PHACTR3: variants seen among roughly 807,000 people sequenced by gnomAD.
The protein encoded by PHACTR3 is protein phosphatase 1, regulatory subunit 123.
A neutral mutation model predicts 66.8 loss-of-function variants in PHACTR3; 16 were observed. The observed-to-expected ratio is 0.24, with a 90% CI of 0.16 to 0.36. The LOEUF (loss-of-function observed/expected upper bound fraction) is 0.36, where lower values mean the gene tolerates loss of function less well. Ranked by LOEUF, PHACTR3 falls within the 10% of genes least tolerant of loss-of-function variation. PHACTR3 has a pLI of 1.00. For missense variants in PHACTR3, 647 were observed against 719.9 expected, an observed-to-expected ratio of 0.90 and a Z score of 1.16; for synonymous variants, 323 against 292.1, an observed-to-expected ratio of 1.11 and a Z score of -1.08.
intron 1 of PHACTR3, among the ~76,000 whole-genome samples, chr20:59,700,424 A>G (rs1459341433): frequency 6.6e-6 from 1 of 152,206 alleles, no homozygotes; most frequent in Non-Finnish European, 1.5e-5. Flanking sequence ...ACCAAATTAT[A>G]TGTGCATTTT....
chr20:59,649,521 TTGG>T (rs2035391446), intron 1 of PHACTR3, among the ~76,000 whole-genome samples: 2 of 152,218 alleles, frequency 1.3e-5, no homozygotes, highest in African/African-American at 4.8e-5. Context: ...TAAAGGACGG[TTGG>T]AATTTTATTG....
At chr20:59,836,467 A>G (rs777282651) in intron 8 of PHACTR3, 38 bp from the exon 9 acceptor site, 20 of 1,596,272 alleles carry the variant, frequency 1.3e-5, no homozygotes, top group Non-Finnish European at 1.7e-5. Context: ...GCAGGCAGCC[A>G]CTATGGTGCA....
chr20:59,681,948 T>G (rs1268964703), intron 1 of PHACTR3, among the ~76,000 whole-genome samples: 1 of 149,994 alleles, frequency 6.7e-6, no homozygotes, highest in African/African-American at 2.5e-5. Context: ...GGGTGGAGGT[T>G]GCGGTGAGCA....
upstream of PHACTR3, chr20:59,603,360 G>A (rs1488386367): frequency 6.6e-6 from 1 of 152,236 alleles, no homozygotes; most frequent in Non-Finnish European, 1.5e-5. Context: ...GAATGAATGA[G>A]TCCTTTCTTT....
chr20:59,678,366 G>A (rs1302422733), intron 1 of PHACTR3, among the ~76,000 whole-genome samples: 1 of 152,142 alleles, frequency 6.6e-6, no homozygotes, highest in African/African-American at 2.4e-5. Flanking sequence ...AGAGCAGCCT[G>A]CTCACTCCTG....
At chr20:59,753,765 G>GGT (rs2039682778) in intron 3 of PHACTR3, among the ~76,000 whole-genome samples, 1 of 152,250 alleles carries the variant, frequency 6.6e-6, no homozygotes, top group Admixed American at 6.5e-5. Context: ...ACCGTTTGCA[G>GGT]GTGGTGGGAC....
chr20:59,705,892 C>T lies in PHACTR3; in HGVS notation c.119-37215C>T, dbSNP rs117612766. Among the ~76,000 whole-genome samples the T allele has an allele frequency of 4.3e-3, 658 of 152,162 alleles. 13 individuals are homozygous for T. The East Asian group carries it at 0.046, about 11-fold the overall frequency. ...CTTGGCCTTTGAGCCTGAGGAGGGA[C>T]GAGGATCTACCCTGGGTGTCCAGTT... is the stretch of plus-strand genomic sequence containing the variant. On this transcript the variant is annotated intron_variant, in intron 1 of 12. Coordinates refer to ENST00000371015, the MANE Select transcript of PHACTR3 (RefSeq NM_080672.5).
intron 1 of PHACTR3, among the ~76,000 whole-genome samples, chr20:59,634,910 G>A (rs936823679): frequency 2.6e-5 from 4 of 152,096 alleles, no homozygotes; most frequent in African/African-American, 4.8e-5. Flanking sequence ...GCCACCTGTG[G>A]CTAATGGCAA....
intron 1 of PHACTR3, among the ~76,000 whole-genome samples, chr20:59,726,311 C>A (rs969172601): frequency 3.3e-5 from 5 of 152,120 alleles, no homozygotes; most frequent in African/African-American, 1.2e-4. Flanking sequence ...TAAGGGCTGG[C>A]CTGGTGTGTG....
chr20:59,742,116 T>C (rs1283316226), intron 1 of PHACTR3, among the ~76,000 whole-genome samples: 2 of 152,212 alleles, frequency 1.3e-5, no homozygotes. Context: ...CACACACCAG[T>C]GTGTGCCTGT....
chr20:59,606,054 GA>G (rs2033658137), intron 1 of PHACTR3, among the ~76,000 whole-genome samples: 1 of 152,210 alleles, frequency 6.6e-6, no homozygotes, highest in African/African-American at 2.4e-5. Context: ...GTATCTTAGA[GA>G]AGCACAATTC....
Position 59,806,180 on chromosome 20 carries a change from G to A in PHACTR3, c.1314G>A (p.Glu438=). ...EERQEIRQQI[E]MKLSKRLSQR... ...GACAGGAGATCCGGCAGCAGATCGA[G>A]ATGAAGCTTTCCAAGTAAGTGGCAG... Residue 438 remains glutamate, a synonymous_variant, in exon 8 of 13, where the codon GAG becomes GAA. Coordinates refer to ENST00000371015, the MANE Select transcript of PHACTR3 (RefSeq NM_080672.5). 1 of 1,614,114 alleles carries A rather than the reference G, an allele frequency of 6.2e-7. No individual in the cohort carries two copies. Among genetic ancestry groups the A allele is most frequent in the Non-Finnish European group, 8.5e-7 (1 of 1,179,982 alleles).
chr20:59,745,505 G>A (rs919971127), intron 2 of PHACTR3, among the ~76,000 whole-genome samples: 4 of 152,234 alleles, frequency 2.6e-5, no homozygotes, highest in Non-Finnish European at 4.4e-5. Context: ...CTGGAAATTC[G>A]AGGAACAGTG....
At chr20:59,775,467 T>C (rs2040505499) in intron 7 of PHACTR3, among the ~76,000 whole-genome samples, 1 of 152,008 alleles carries the variant, frequency 6.6e-6, no homozygotes, top group Non-Finnish European at 1.5e-5. Context: ...GTGGGTACTG[T>C]GATGGGTGGA....
At chr20:59,759,772 C>A (rs2039933613) in intron 4 of PHACTR3, among the ~76,000 whole-genome samples, 1 of 152,116 alleles carries the variant, frequency 6.6e-6, no homozygotes, top group South Asian at 2.1e-4. Flanking sequence ...ACATCTGGGC[C>A]CAGTCGCTCT....
intron 1 of PHACTR3, among the ~76,000 whole-genome samples, chr20:59,666,937 A>G (rs1780184878): frequency 6.6e-6 from 1 of 152,220 alleles, no homozygotes; most frequent in Admixed American, 6.5e-5. Context: ...ATGAAACTGC[A>G]GCACTTCCCT....
At chr20:59,749,326 A>G (rs1478688407) in intron 3 of PHACTR3, among the ~76,000 whole-genome samples, 3 of 152,234 alleles carry the variant, frequency 2.0e-5, no homozygotes, top group African/African-American at 7.2e-5. Context: ...TTTGTTGAGT[A>G]AAGAGTAAGT....
intron 11 of PHACTR3, among the ~76,000 whole-genome samples, chr20:59,842,426 C>CTTTGTGACTGATG (rs1412103164): frequency 6.6e-6 from 1 of 152,146 alleles, no homozygotes; most frequent in African/African-American, 2.4e-5. Context: ...TTGCCTGGTT[C>CTTTGTGACTGATG]TTTGTGACTG....
intron 1 of PHACTR3, among the ~76,000 whole-genome samples, chr20:59,670,612 G>C (rs868496805): frequency 1.8e-4 from 25 of 135,556 alleles, no homozygotes; most frequent in South Asian, 2.9e-4. Context: ...GGGTGGGGGG[G>C]GGGGGCAGGC....
Sources: allele counts gnomAD v4.1 joint callset (sites outside exome capture counted in the v4.1 genomes callset), GRCh38; gene constraint gnomAD v4.1.1; transcripts MANE v1.5; gene names NCBI Gene and HGNC (gene_info 2026-07-23, HGNC 2026-07-21).